C10orf67: variants seen among roughly 807,000 people sequenced by gnomAD.
C10orf67 encodes the protein chromosome 10 open reading frame 67.
In C10orf67, 60 loss-of-function variants were observed where a neutral mutation model predicts 35.6. The observed-to-expected ratio is 1.68, with a 90% CI of 1.37 to 2.09. C10orf67 has a LOEUF of 2.09. C10orf67 is among the 30% of genes most tolerant of loss of function. C10orf67 has a pLI of 0.00. For missense variants in C10orf67, 474 were observed against 330.2 expected (o/e 1.44, Z -3.38); for synonymous variants, 167 against 115.8 (o/e 1.44, Z -2.84).
intron 8 of C10orf67, among the ~76,000 whole-genome samples, chr10:23,281,023 T>A (rs1240877773): frequency 6.6e-6 from 1 of 152,152 alleles, no homozygotes; most frequent in African/African-American, 2.4e-5. Flanking sequence ...ACTCAAATAA[T>A]GGAGTCTATT....
chr10:23,290,056 G>A, intron 6 of C10orf67, 98 bp from the exon 7 acceptor site: 1 of 669,584 alleles, frequency 1.5e-6, no homozygotes, highest in Non-Finnish European at 2.7e-6. Context: ...GGCACTAGCA[G>A]GCATAGTGGA....
intron 2 of C10orf67, among the ~76,000 whole-genome samples, chr10:23,327,986 A>G (rs1845262850): frequency 6.6e-6 from 1 of 152,178 alleles, no homozygotes; most frequent in African/African-American, 2.4e-5. Context: ...CAATATAAAA[A>G]TATTCTAAAA....
intron 9 of C10orf67, 65 bp downstream of exon 9, chr10:23,267,130 G>T: frequency 2.9e-6 from 2 of 680,218 alleles, no homozygotes; most frequent in Non-Finnish European, 2.7e-6. Flanking sequence ...TGTCAATTCA[G>T]ATACCAAAAT....
At chr10:23,309,726 A>G (rs1844424530) in intron 4 of C10orf67, among the ~76,000 whole-genome samples, 1 of 152,184 alleles carries the variant, frequency 6.6e-6, no homozygotes, top group African/African-American at 2.4e-5. Flanking sequence ...CAGGTACCAC[A>G]CTGAGAGGTG....
chr10:23,233,326 G>A (rs1204174283), intron 13 of C10orf67, among the ~76,000 whole-genome samples: 1 of 152,118 alleles, frequency 6.6e-6, no homozygotes, highest in African/African-American at 2.4e-5. Context: ...TTGCCAAAAT[G>A]GGGAAGGTGG....
Position 23,243,817 on chromosome 10 carries a change from G to C in C10orf67, c.1347-4001C>G, listed in dbSNP as rs375536494. On this transcript the variant is annotated intron_variant, in intron 12 of 15. Transcript: ENST00000636213. ...AACAGATTAAAATTATTCAGAGTAA[G>C]TACTCTGAGCACAAGAGAATTAAAC... Among the ~76,000 whole-genome samples the C allele has an allele frequency of 7.2e-5, 11 of 152,236 alleles. No homozygotes were observed. In the East Asian group the frequency reaches 1.5e-3, roughly 21 times the overall value.
Position 23,203,362 on chromosome 10 carries a change from A to G in C10orf67, c.*811T>C, listed in dbSNP as rs1300553655. The G allele has an allele frequency of 6.6e-6, 1 of 152,236 alleles. No individual in the cohort carries two copies. The highest frequency in any genetic ancestry group is 2.4e-5 in the African/African-American group (1 of 41,466). The allele number at this position is 152,236 out of a possible 1,614,324, so 9.4% of individuals were successfully genotyped here. ...CCTCTGCAGCTTTCTTTTGAACTAAAGTATATCAGCTTTATGTGACAACTA... is the reference window on the plus strand; with the variant it reads ...CCTCTGCAGCTTTCTTTTGAACTAAGGTATATCAGCTTTATGTGACAACTA... On this transcript the variant is annotated 3_prime_UTR_variant, in exon 16 of 16. Coordinates refer to ENST00000636213, the MANE Select transcript of C10orf67 (RefSeq NM_001371909.1).
chr10:23,324,551 C>G, intron 2 of C10orf67, among the ~76,000 whole-genome samples: 1 of 152,192 alleles, frequency 6.6e-6, no homozygotes, highest in East Asian at 1.9e-4. Context: ...CTTCTCATCA[C>G]AGCCCCCTTT....
chr10:23,265,594 T>C (rs1253886093), intron 10 of C10orf67, among the ~76,000 whole-genome samples: 1 of 152,228 alleles, frequency 6.6e-6, no homozygotes, highest in Non-Finnish European at 1.5e-5. Flanking sequence ...TACAACTATC[T>C]TTATAGCTAA....
chr10:23,317,390 C>T (rs944251407), intron 4 of C10orf67: 5 of 152,360 alleles, frequency 3.3e-5, no homozygotes, highest in African/African-American at 1.2e-4. Flanking sequence ...GGGTCTGCAG[C>T]CATGGCTGGG....
rs1844998032 is a variant in C10orf67 at position 23,322,486 on chromosome 10, A to G, written c.379T>C (p.Leu127=). ...TCTTTCAGTCGGTCCTCAAACTTCA[A>G]CTGAAGCAATTGTTTGAGGAACCCA... ...DFGFLKQLLQ[L]KFEDRLKEES... The change falls in exon 3 of 16, where the codon TTG becomes CTG. Residue 127 remains leucine (L), a synonymous_variant. Transcript: ENST00000636213. 1.2e-6 allele frequency: 2 copies of G among 1,612,740 alleles called. No homozygotes were observed. The highest frequency in any genetic ancestry group is 1.7e-6 in the Non-Finnish European group (2 of 1,178,808).
chr10:23,233,837 A>T (rs529671601), intron 13 of C10orf67, among the ~76,000 whole-genome samples: 4 of 152,314 alleles, frequency 2.6e-5, no homozygotes, highest in Admixed American at 1.3e-4. Flanking sequence ...ACTTGAGTTT[A>T]CCTTAAAGTT....
intron 8 of C10orf67, among the ~76,000 whole-genome samples, chr10:23,277,948 G>T (rs1169600670): frequency 6.6e-6 from 1 of 152,174 alleles, no homozygotes; most frequent in Non-Finnish European, 1.5e-5. Flanking sequence ...GAAGGTGAAG[G>T]GGGAGCAGGT....
At position 23,209,998 on chromosome 10, in the gene C10orf67, TAAAAAAAA is replaced by T. The variant is rs59247961; in HGVS notation, c.1571-5751_1571-5744del. On this transcript the variant is annotated intron_variant, in intron 15 of 15. Coordinates refer to ENST00000636213, the MANE Select transcript of C10orf67 (RefSeq NM_001371909.1). ...TTGGGCAATAGAGCCAGACCTTGGC[TAAAAAAAA>T]AAAAAAAAAAAAAAAAGGAATTAAG... Among the ~76,000 whole-genome samples the T allele has an allele frequency of 5.8e-4, 39 of 67,214 alleles. 1 individual carries two copies. Among genetic ancestry groups the T allele is most frequent in the Admixed American group, 2.1e-3 (11 of 5,294 alleles). 44.1% of individuals were successfully genotyped at this position (67,214 alleles called of 152,430 possible).
At chr10:23,288,672 A>C (rs1415654488) in intron 7 of C10orf67, among the ~76,000 whole-genome samples, 3 of 152,162 alleles carry the variant, frequency 2.0e-5, no homozygotes, top group African/African-American at 7.2e-5. Context: ...TGAAATCTGA[A>C]CCTAAACTTA....
At chr10:23,303,566 A>T in intron 4 of C10orf67, 107 bp from the exon 5 acceptor site, 1 of 435,000 alleles carries the variant, frequency 2.3e-6, no homozygotes. Flanking sequence ...CCACCAGAAA[A>T]CATTTCATCT....
chr10:23,312,341 C>A (rs544030108), intron 4 of C10orf67, among the ~76,000 whole-genome samples: 18 of 152,212 alleles, frequency 1.2e-4, no homozygotes, highest in African/African-American at 4.3e-4. Context: ...CCCAGATTGG[C>A]CAAGTGGAAT....
chr10:23,226,115 C>A (rs1230616260), intron 13 of C10orf67, among the ~76,000 whole-genome samples: 2 of 152,340 alleles, frequency 1.3e-5, no homozygotes, highest in East Asian at 3.9e-4. Flanking sequence ...GAACTCTCCA[C>A]CCCAAATCAA....
chr10:23,344,288 G>T lies in C10orf67; in HGVS notation c.206+281C>A, dbSNP rs1326839507. 40 of 478,050 alleles carry T rather than the reference G, an allele frequency of 8.4e-5. No homozygotes were observed. In the East Asian group the frequency reaches 1.5e-3, roughly 18 times the overall value. The allele number at this position is 478,050 out of a possible 1,614,324, so 29.6% of individuals were successfully genotyped here. ...GAGGGAAGGAAGAGGGGGAAGGAGT[G>T]GGGGAAGGGGGAAGAGATGGAAAGG... On this transcript the variant is annotated intron_variant, in intron 1 of 15. Coordinates refer to ENST00000636213, the MANE Select transcript of C10orf67 (RefSeq NM_001371909.1).
Sources: allele counts gnomAD v4.1 joint callset (sites outside exome capture counted in the v4.1 genomes callset), GRCh38; gene constraint gnomAD v4.1.1; transcripts MANE v1.5; gene names NCBI Gene and HGNC (gene_info 2026-07-23, HGNC 2026-07-21).